Variants in MEOX2 observed in about 807,000 individuals in gnomAD.
The protein encoded by MEOX2 is homeobox protein MOX-2.
Under a neutral mutation model 27.0 loss-of-function variants are expected in MEOX2, and 11 were observed. That is an observed-to-expected ratio of 0.41 (90% CI 0.26 to 0.68). The LOEUF is 0.68. MEOX2 is among the 30% of genes least tolerant of loss of function. The pLI, the probability that MEOX2 is intolerant of heterozygous loss-of-function variation, is 0.33. For missense variants in MEOX2, 436 were observed against 385.4 expected, an observed-to-expected ratio of 1.13 and a Z score of -1.10; for synonymous variants, 189 against 155.4, an observed-to-expected ratio of 1.22 and a Z score of -1.61.
chr7:15,676,102 G>A (rs1431344158), intron 1 of MEOX2: 2 of 152,126 alleles, frequency 1.3e-5, no homozygotes, highest in Non-Finnish European at 2.9e-5. Context: ...TTATGGATGT[G>A]GGAGAGGTGA....
chr7:15,686,055 C>G lies in MEOX2; in HGVS notation c.348G>C (p.Gly116=), dbSNP rs545808518. ...GCGGGCTGCTCCCCAACTCTGGGGG[C>G]CCTCCAGAGTCGGGCTGGAGGCAGA... is the stretch of plus-strand genomic sequence containing the variant. ...HSLCLQPDSG[G]PPELGSSPPV... Residue 116 remains glycine (G), a synonymous_variant, in exon 1 of 3, where the codon GGG becomes GGC. Coordinates refer to ENST00000262041, the MANE Select transcript of MEOX2 (RefSeq NM_005924.5). 4 of 1,602,250 alleles carry G rather than the reference C, an allele frequency of 2.5e-6. No homozygotes were observed. The highest frequency in any genetic ancestry group is 2.2e-5 in the South Asian group (2 of 90,590).
Position 15,612,346 on chromosome 7 carries a change from A to G in MEOX2, c.*41T>C, listed in dbSNP as rs745671969. ...ATATTTGGGTAAGGCTTGCCATCAC[A>G]ACATTTCTTTCCTGAGAATGGAGCT... On this transcript the variant is annotated 3_prime_UTR_variant, in exon 3 of 3. Transcript: ENST00000262041. 6.5e-7 allele frequency: 1 copy of G among 1,529,300 alleles called. No individual in the cohort carries two copies. The highest frequency in any genetic ancestry group is 1.1e-5 in the South Asian group (1 of 89,406). The allele number at this position is 1,529,300 out of a possible 1,614,324, so 94.7% of individuals were successfully genotyped here.
At chr7:15,614,240 A>G (rs71540714) in intron 2 of MEOX2, among the ~76,000 whole-genome samples, 95,939 of 147,768 alleles carry the variant, frequency 0.65, 31,792 homozygotes, top group East Asian at 0.81. Context: ...AAAATAAAAT[A>G]AAATAAAATA....
chr7:15,638,311 T>G (rs1781514123), intron 1 of MEOX2, among the ~76,000 whole-genome samples: 1 of 152,162 alleles, frequency 6.6e-6, no homozygotes, highest in African/African-American at 2.4e-5. Context: ...GTTTAAAGCA[T>G]AAATTATTTT....
chr7:15,685,734 T>G, intron 1 of MEOX2, 152 bp downstream of exon 1: 2 of 1,091,128 alleles, frequency 1.8e-6, no homozygotes, highest in South Asian at 3.0e-5. Flanking sequence ...GGACCAAAGC[T>G]TCACCGCCGA....
intron 1 of MEOX2, among the ~76,000 whole-genome samples, chr7:15,633,108 T>C (rs1463184368): frequency 6.6e-6 from 1 of 151,988 alleles, no homozygotes; most frequent in Non-Finnish European, 1.5e-5. Context: ...ATTATGTCAC[T>C]GTACGGATGC....
chr7:15,634,737 T>C (rs1424976287), intron 1 of MEOX2, among the ~76,000 whole-genome samples: 8 of 152,016 alleles, frequency 5.3e-5, no homozygotes, highest in Non-Finnish European at 8.8e-5. Context: ...CCCACCTTTA[T>C]ACTGTGGTCA....
chr7:15,622,439 G>T (rs1020429160), intron 2 of MEOX2, among the ~76,000 whole-genome samples: 1 of 151,890 alleles, frequency 6.6e-6, no homozygotes, highest in Non-Finnish European at 1.5e-5. Context: ...CAATGTTAAG[G>T]AAACTATTTT....
At chr7:15,685,531 C>T (rs368120113) in intron 1 of MEOX2, among the ~76,000 whole-genome samples, 29 of 152,344 alleles carry the variant, frequency 1.9e-4, no homozygotes, top group African/African-American at 6.7e-4. Flanking sequence ...GCCTGCCCAA[C>T]GGACGCTGCA....
At chr7:15,638,522 G>A (rs868114271) in intron 1 of MEOX2, among the ~76,000 whole-genome samples, 5 of 151,984 alleles carry the variant, frequency 3.3e-5, no homozygotes, top group Admixed American at 6.6e-5. Flanking sequence ...GTTCAGAGGC[G>A]TACATGTGAT....
intron 1 of MEOX2, among the ~76,000 whole-genome samples, chr7:15,637,360 T>G (rs1166464621): frequency 6.6e-6 from 1 of 152,060 alleles, no homozygotes; most frequent in Non-Finnish European, 1.5e-5. Flanking sequence ...AAATGATTCA[T>G]AAGTTTCTTC....
chr7:15,638,688 A>T (rs952085810), intron 1 of MEOX2, among the ~76,000 whole-genome samples: 2 of 151,818 alleles, frequency 1.3e-5, no homozygotes, highest in African/African-American at 2.4e-5. Context: ...CTTTGTGTCC[A>T]TGTGTGCCTA....
At position 15,686,037 on chromosome 7, in the gene MEOX2, G is replaced by T. The variant is rs753373068; in HGVS notation, c.366C>A (p.Ser122Arg). The T allele has an allele frequency of 1.9e-5, 30 of 1,605,708 alleles. No individual in the cohort carries two copies. The highest frequency in any genetic ancestry group is 2.5e-5 in the Non-Finnish European group (30 of 1,179,034). The change falls in exon 1 of 3, where the codon AGC becomes AGA. Residue 122 changes from serine to arginine, a missense_variant. Coordinates refer to ENST00000262041, the MANE Select transcript of MEOX2 (RefSeq NM_005924.5). ...PDSGGPPELG[S>R]SPPVLCSNSS... ...AGTTGGAGCACAGGACGGGCGGGCT[G>T]CTCCCCAACTCTGGGGGCCCTCCAG...
intron 1 of MEOX2, among the ~76,000 whole-genome samples, chr7:15,655,559 CA>C (rs1781805888): frequency 6.6e-6 from 1 of 151,682 alleles, no homozygotes; most frequent in African/African-American, 2.4e-5. Context: ...ACAAAATTAA[CA>C]ATGTTGTATT....
intron 1 of MEOX2, among the ~76,000 whole-genome samples, chr7:15,659,758 CAAAAAA>C (rs58319551): frequency 3.7e-5 from 2 of 54,222 alleles, no homozygotes; most frequent in African/African-American, 1.2e-4. Context: ...AGACTGCTCT[CAAAAAA>C]AAAAAAAAAA....
intron 1 of MEOX2, among the ~76,000 whole-genome samples, chr7:15,628,240 A>T (rs1277165806): frequency 1.3e-5 from 2 of 152,132 alleles, no homozygotes; most frequent in South Asian, 4.1e-4. Context: ...TGCCTGAGGG[A>T]TGTTTAACTG....
chr7:15,633,309 T>G (rs966355998), intron 1 of MEOX2, among the ~76,000 whole-genome samples: 1 of 151,940 alleles, frequency 6.6e-6, no homozygotes, highest in East Asian at 1.9e-4. Context: ...TCAGCTCTTA[T>G]GTCAGCAAAT....
Position 15,685,977 on chromosome 7 carries a change from G to T in MEOX2, c.426C>A (p.Ala142=), listed in dbSNP as rs775584752. The change falls in exon 1 of 3, where the codon GCC becomes GCA. Residue 142 remains alanine (A), a synonymous_variant. Coordinates refer to ENST00000262041, the MANE Select transcript of MEOX2 (RefSeq NM_005924.5). ...GGCCGTAGTCCCCCGGCGCGCACGCGGCCCCAGTCGGGGTGCTGGAGCCCA... is the reference window on the plus strand; with the variant it reads ...GGCCGTAGTCCCCCGGCGCGCACGCTGCCCCAGTCGGGGTGCTGGAGCCCA... ...SSLGSSTPTG[A]ACAPGDYGRQ... The T allele has an allele frequency of 6.2e-7, 1 of 1,610,356 alleles. No homozygotes were observed. Among genetic ancestry groups the T allele is most frequent in the Non-Finnish European group, 8.5e-7 (1 of 1,179,684 alleles).
At chr7:15,654,058 C>G (rs1465525552) in intron 1 of MEOX2, among the ~76,000 whole-genome samples, 1 of 151,886 alleles carries the variant, frequency 6.6e-6, no homozygotes, top group Non-Finnish European at 1.5e-5. Flanking sequence ...GTCTCTCCAT[C>G]TATTTAGATC....
Sources: allele counts gnomAD v4.1 joint callset (sites outside exome capture counted in the v4.1 genomes callset), GRCh38; gene constraint gnomAD v4.1.1; transcripts MANE v1.5; gene names NCBI Gene and HGNC (gene_info 2026-07-23, HGNC 2026-07-21).